The following MACROD2 variants were observed in gnomAD, a reference collection of about 807,000 sequenced individuals.
The protein encoded by MACROD2 is mono-ADP ribosylhydrolase 2.
In MACROD2, 36 loss-of-function variants were observed where a neutral mutation model predicts 70.4. That is an observed-to-expected ratio of 0.51 (90% CI 0.39 to 0.68). The LOEUF is 0.68. MACROD2 is among the 30% of genes least tolerant of loss of function. The probability of loss-of-function intolerance (pLI) is 0.00; values close to 1 mark genes in which losing one functional copy is unlikely to be tolerated. For missense variants in MACROD2, 496 were observed against 538.4 expected (o/e 0.92, Z 0.78); for synonymous variants, 172 against 178.8 (o/e 0.96, Z 0.30).
intron 8 of MACROD2, among the ~76,000 whole-genome samples, chr20:15,626,589 T>G (rs1352963844): frequency 1.3e-5 from 2 of 152,228 alleles, no homozygotes; most frequent in African/African-American, 2.4e-5. Flanking sequence ...GCACGCTGGC[T>G]CATGCCTGTA....
intron 9 of MACROD2, among the ~76,000 whole-genome samples, chr20:15,881,181 A>G (rs2064750049): frequency 6.6e-6 from 1 of 152,088 alleles, no homozygotes; most frequent in African/African-American, 2.4e-5. Flanking sequence ...ATTATAATGT[A>G]ATCACTCAAT....
chr20:14,603,644 T>C (rs1296988320), intron 4 of MACROD2, among the ~76,000 whole-genome samples: 2 of 152,194 alleles, frequency 1.3e-5, no homozygotes, highest in East Asian at 1.9e-4. Context: ...TTTCTCACTT[T>C]AGTAATAACA....
intron 4 of MACROD2, among the ~76,000 whole-genome samples, chr20:14,511,760 G>GA (rs10854238): frequency 4.7e-5 from 7 of 150,204 alleles, no homozygotes; most frequent in African/African-American, 1.7e-4. Flanking sequence ...GTTGCTGACA[G>GA]AAAAAAAAAA....
chr20:14,472,836 C>T (rs2084545408), intron 3 of MACROD2, among the ~76,000 whole-genome samples: 1 of 151,902 alleles, frequency 6.6e-6, no homozygotes, highest in African/African-American at 2.4e-5. Flanking sequence ...GGTGAGTGAG[C>T]TGCGTGGCAT....
intron 3 of MACROD2, among the ~76,000 whole-genome samples, chr20:14,272,433 C>A (rs1352357428): frequency 4.0e-5 from 6 of 151,736 alleles, no homozygotes; most frequent in Non-Finnish European, 8.8e-5. Flanking sequence ...ACTTTACAGA[C>A]AAGCAAATGC....
intron 8 of MACROD2, among the ~76,000 whole-genome samples, chr20:15,659,592 G>A (rs1479457057): frequency 6.6e-6 from 1 of 151,914 alleles, no homozygotes; most frequent in African/African-American, 2.4e-5. Flanking sequence ...AATGTCTGGA[G>A]ATATTTTTGT....
At chr20:14,089,257 G>A (rs1035305169) in intron 3 of MACROD2, among the ~76,000 whole-genome samples, 3 of 152,178 alleles carry the variant, frequency 2.0e-5, no homozygotes, top group Non-Finnish European at 4.4e-5. Context: ...ACACTGTAAT[G>A]GCTCTATTTA....
intron 5 of MACROD2, among the ~76,000 whole-genome samples, chr20:15,073,677 T>C (rs1044573033): frequency 2.0e-5 from 3 of 152,204 alleles, no homozygotes; most frequent in Non-Finnish European, 4.4e-5. Flanking sequence ...TCCAGCTCTC[T>C]GGCTTTGTTC....
intron 6 of MACROD2, among the ~76,000 whole-genome samples, chr20:15,295,864 A>G (rs921286095): frequency 2.6e-5 from 4 of 152,150 alleles, no homozygotes; most frequent in African/African-American, 9.7e-5. Context: ...GATAGCTCAT[A>G]ATCTTCCTGC....
At chr20:14,212,165 T>A (rs2081576558) in intron 3 of MACROD2, among the ~76,000 whole-genome samples, 1 of 152,174 alleles carries the variant, frequency 6.6e-6, no homozygotes, top group Non-Finnish European at 1.5e-5. Flanking sequence ...TACTGTATTT[T>A]ATAAATTATT....
intron 5 of MACROD2, among the ~76,000 whole-genome samples, chr20:14,941,007 A>T (rs1397257596): frequency 1.3e-5 from 2 of 152,140 alleles, no homozygotes; most frequent in Non-Finnish European, 2.9e-5. Flanking sequence ...TTCAGCTGTG[A>T]AGCCATCAGA....
At chr20:15,372,458 T>C (rs146152000) in intron 6 of MACROD2, among the ~76,000 whole-genome samples, 6 of 152,236 alleles carry the variant, frequency 3.9e-5, no homozygotes, top group African/African-American at 1.4e-4. Context: ...TGCATTTCCC[T>C]TATTTCTAGT....
chr20:15,963,827 G>T (rs2066099630), intron 12 of MACROD2, among the ~76,000 whole-genome samples: 1 of 152,012 alleles, frequency 6.6e-6, no homozygotes, highest in African/African-American at 2.4e-5. Flanking sequence ...CTTTCTGAGT[G>T]AGGGCTTTTT....
rs33967551 is a variant in MACROD2 at position 15,673,781 on chromosome 20, GA to G, written c.645+173948del. On this transcript the variant is annotated intron_variant, in intron 8 of 17. Coordinates refer to ENST00000684519, the MANE Select transcript of MACROD2 (RefSeq NM_001351661.2). ...AGATTACTGGTTGCTCAGTAGGGAG[GA>G]AAAAAAAAAAAAACAGCCCTGATCT... 1.6e-3 allele frequency among the ~76,000 whole-genome samples: 217 copies of G among 138,358 alleles called. 1 individual carries two copies. Among genetic ancestry groups the G allele is most frequent in the African/African-American group, 3.9e-3 (141 of 35,998 alleles). 90.8% of individuals were successfully genotyped at this position (138,358 alleles called of 152,430 possible).
At chr20:15,291,614 A>G in intron 6 of MACROD2, among the ~76,000 whole-genome samples, 1 of 152,326 alleles carries the variant, frequency 6.6e-6, no homozygotes, top group Non-Finnish European at 1.5e-5. Context: ...AATAATTTCA[A>G]ATTTATTTTT....
intron 3 of MACROD2, among the ~76,000 whole-genome samples, chr20:14,473,527 A>C (rs183362036): frequency 7.2e-5 from 11 of 152,244 alleles, no homozygotes; most frequent in Admixed American, 5.2e-4. Context: ...ATGGACACCA[A>C]ATTTTTCAAT....
At chr20:15,553,396 C>T (rs2048123920) in intron 8 of MACROD2, among the ~76,000 whole-genome samples, 1 of 152,136 alleles carries the variant, frequency 6.6e-6, no homozygotes, top group South Asian at 2.1e-4. Context: ...CAACATCTAG[C>T]ACAAAACCTG....
At chr20:15,540,004 A>C (rs1440266455) in intron 8 of MACROD2, among the ~76,000 whole-genome samples, 1 of 152,178 alleles carries the variant, frequency 6.6e-6, no homozygotes, top group Non-Finnish European at 1.5e-5. Context: ...CAAAGAAGGT[A>C]CTTGATGGAC....
At chr20:15,089,004 T>C (rs2075773637) in intron 5 of MACROD2, among the ~76,000 whole-genome samples, 1 of 152,160 alleles carries the variant, frequency 6.6e-6, no homozygotes, top group Non-Finnish European at 1.5e-5. Context: ...CTTTAAATAG[T>C]TGTTTACACC....
Sources: allele counts gnomAD v4.1 joint callset (sites outside exome capture counted in the v4.1 genomes callset), GRCh38; gene constraint gnomAD v4.1.1; transcripts MANE v1.5; gene names NCBI Gene and HGNC (gene_info 2026-07-23, HGNC 2026-07-21).